The following EHMT1 variants were observed in gnomAD, a reference collection of about 807,000 sequenced individuals.
EHMT1 encodes histone-lysine N-methyltransferase EHMT1.
A neutral mutation model predicts 147.2 loss-of-function variants in EHMT1; 15 were observed. That is an observed-to-expected ratio of 0.10 (90% CI 0.07 to 0.16). EHMT1 has a LOEUF of 0.16. Among genes scored for constraint, EHMT1 ranks in the 10% least tolerant of loss-of-function variants. The pLI is 1.00. For synonymous variants in EHMT1, 795 were observed against 709.6 expected (o/e 1.12, Z -1.91); for missense variants, 1,587 against 1,772.4 (o/e 0.90, Z 1.88).
chr9:137,652,064 A>AT lies in EHMT1; in HGVS notation c.21+33015_21+33016insT, dbSNP rs532959692. ...GTGTACTCCTACTTATTTAAAAAAA[A>AT]GTTAACTGTAAAACAGTCTCAGGCA... On this transcript the variant is annotated intron_variant, in intron 1 of 26. Transcript: ENST00000460843. 3.7e-4 allele frequency among the ~76,000 whole-genome samples: 56 copies of AT among 152,298 alleles called. No homozygotes were observed. The South Asian group carries it at 0.012, about 32-fold the overall frequency.
chr9:137,815,015 C>T (rs1954809216), intron 22 of EHMT1, among the ~76,000 whole-genome samples: 1 of 151,776 alleles, frequency 6.6e-6, no homozygotes, highest in African/African-American at 2.4e-5. Flanking sequence ...TGGGGAGTAG[C>T]CCTGGCTAGC....
chr9:137,619,181 C>CGCCGCCGCCGCT (rs911854270), intron 1 of EHMT1, 132 bp downstream of exon 1: 4 of 149,312 alleles, frequency 2.7e-5, no homozygotes, highest in African/African-American at 5.1e-5. Context: ...CCCCCGCCGC[C>CGCCGCCGCCGCT]GCCGCCGCCG....
In EHMT1 at chr9:137,636,174, G is replaced by A. The variant is rs563356634; in HGVS notation, c.21+17125G>A. On this transcript the variant is annotated intron_variant, in intron 1 of 26. Coordinates refer to ENST00000460843, the MANE Select transcript of EHMT1 (RefSeq NM_024757.5). ...TGACCTCAGGATCCACCCACCTCCA[G>A]CTCCCAGAGTGCTGGGATTATAGGC... Among the ~76,000 whole-genome samples, 3 of 152,168 alleles carry A rather than the reference G, an allele frequency of 2.0e-5. No individual in the cohort carries two copies. In the East Asian group the frequency reaches 5.8e-4, roughly 30 times the overall value.
chr9:137,817,047 G>A (rs1954975642), intron 23 of EHMT1: 1 of 286,622 alleles, frequency 3.5e-6, no homozygotes, highest in Non-Finnish European at 6.8e-6. Flanking sequence ...GGGGCCTGTG[G>A]GCTCCTTGTC....
At chr9:137,780,940 C>T (rs1035642206) in intron 14 of EHMT1, among the ~76,000 whole-genome samples, 2 of 100,730 alleles carry the variant, frequency 2.0e-5, no homozygotes, top group Non-Finnish European at 3.9e-5. Flanking sequence ...ATGACGGCAT[C>T]ACTGAGATGT....
intron 1 of EHMT1, among the ~76,000 whole-genome samples, chr9:137,647,668 T>C (rs1845000208): frequency 6.6e-6 from 1 of 151,404 alleles, no homozygotes; most frequent in African/African-American, 2.4e-5. Flanking sequence ...AATCTTGGCT[T>C]ACTGAAACCT....
intron 22 of EHMT1, 197 bp downstream of exon 22, chr9:137,814,705 C>A: frequency 1.5e-6 from 1 of 660,554 alleles, no homozygotes; most frequent in South Asian, 1.7e-5. Context: ...GAGGACATGG[C>A]TGCGGATTCC....
At chr9:137,754,842 C>T (rs986422635) in intron 8 of EHMT1, among the ~76,000 whole-genome samples, 1 of 152,146 alleles carries the variant, frequency 6.6e-6, no homozygotes, top group Non-Finnish European at 1.5e-5. Context: ...AATGTTGAAC[C>T]GAGGTGAATC....
intron 25 of EHMT1, among the ~76,000 whole-genome samples, chr9:137,821,878 G>A (rs761011413): frequency 5.9e-5 from 9 of 152,082 alleles, no homozygotes; most frequent in Non-Finnish European, 1.2e-4. Context: ...GTGTGGTCTT[G>A]TATATGTTTT....
At chr9:137,793,190 G>A (rs1952654543) in intron 16 of EHMT1, among the ~76,000 whole-genome samples, 4 of 152,232 alleles carry the variant, frequency 2.6e-5, no homozygotes, top group Admixed American at 2.6e-4. Flanking sequence ...CAAATTATCT[G>A]ATAAGAGGTT....
intron 3 of EHMT1, among the ~76,000 whole-genome samples, chr9:137,722,295 G>T (rs1233884913): frequency 6.6e-6 from 1 of 152,194 alleles, no homozygotes; most frequent in African/African-American, 2.4e-5. Context: ...TGACCATGAG[G>T]CTTATTTAAG....
intron 25 of EHMT1, among the ~76,000 whole-genome samples, chr9:137,822,973 C>T (rs1955540673): frequency 6.6e-6 from 1 of 152,020 alleles, no homozygotes; most frequent in African/African-American, 2.4e-5. Flanking sequence ...TCTTGTCGCC[C>T]AGGCTGGAAT....
At chr9:137,748,570 C>T (rs1948733480) in intron 6 of EHMT1, among the ~76,000 whole-genome samples, 1 of 152,206 alleles carries the variant, frequency 6.6e-6, no homozygotes, top group South Asian at 2.1e-4. Context: ...GGTGGCTGCT[C>T]AGGTTGCCTT....
chr9:137,831,243 G>GA (rs1203148287), intron 25 of EHMT1, among the ~76,000 whole-genome samples: 3 of 152,124 alleles, frequency 2.0e-5, no homozygotes, highest in Non-Finnish European at 4.4e-5. Flanking sequence ...CAGAAATCGA[G>GA]AAAAAATACT....
chr9:137,702,425 A>G (rs953573358), intron 1 of EHMT1, among the ~76,000 whole-genome samples: 3 of 152,242 alleles, frequency 2.0e-5, no homozygotes, highest in Non-Finnish European at 1.5e-5. Context: ...CAAAGGGGCT[A>G]CAGGCTCCAT....
intron 1 of EHMT1, among the ~76,000 whole-genome samples, chr9:137,649,795 G>A (rs887795908): frequency 6.6e-6 from 1 of 152,164 alleles, no homozygotes; most frequent in African/African-American, 2.4e-5. Context: ...ACCACGCCCT[G>A]CCAGCAGCCG....
At chr9:137,803,046 G>C in intron 18 of EHMT1, 1 of 1,231,040 alleles carries the variant, frequency 8.1e-7, no homozygotes, top group Non-Finnish European at 1.0e-6. Flanking sequence ...CGGAGACTGC[G>C]TGGCGGGGAA....
At chr9:137,817,873 A>G (rs1955051854) in intron 24 of EHMT1, 187 bp from the exon 25 acceptor site, 2 of 659,380 alleles carry the variant, frequency 3.0e-6, no homozygotes, top group African/African-American at 1.8e-5. Flanking sequence ...CGGTATCGTT[A>G]TCATCATCCT....
At chr9:137,685,502 A>G (rs1465293208) in intron 1 of EHMT1, among the ~76,000 whole-genome samples, 3 of 152,130 alleles carry the variant, frequency 2.0e-5, no homozygotes, top group Non-Finnish European at 2.9e-5. Flanking sequence ...GTTTTTTCCT[A>G]TCTTCTGGCT....
Sources: gnomAD v4.1 joint callset for allele counts (sites outside exome capture counted in the v4.1 genomes callset) on GRCh38, gnomAD v4.1.1 for gene constraint, MANE v1.5 for transcripts, NCBI Gene and HGNC (gene_info 2026-07-23, HGNC 2026-07-21) for gene names.